MIA2: variants seen among roughly 807,000 people sequenced by gnomAD.
The protein encoded by MIA2 is MIA SH3 domain ER export factor 2.
A neutral mutation model predicts 167.8 loss-of-function variants in MIA2; 127 were observed. The ratio of observed to expected loss-of-function variants is 0.76; its 90% confidence interval spans 0.66 to 0.88. MIA2 has a LOEUF of 0.88. Among genes scored for constraint, MIA2 ranks in the 40% least tolerant of loss-of-function variants. The pLI, the probability that MIA2 is intolerant of heterozygous loss-of-function variation, is 0.00. For missense variants in MIA2, 1,690 were observed against 1,624.7 expected (o/e 1.04, Z -0.69); for synonymous variants, 552 against 541.9 (o/e 1.02, Z -0.26).
At chr14:39,375,862 A>G (rs780127183) in intron 23 of MIA2, among the ~76,000 whole-genome samples, 48 of 152,214 alleles carry the variant, frequency 3.2e-4, no homozygotes, top group Non-Finnish European at 5.7e-4. Context: ...GAGAAAAACT[A>G]TAGTTTCATG....
At chr14:39,253,314 T>A (rs1272901992) in intron 6 of MIA2, 143 bp downstream of exon 6, 4 of 1,080,576 alleles carry the variant, frequency 3.7e-6, no homozygotes, top group Non-Finnish European at 5.4e-6. Flanking sequence ...CCTGTAAGAT[T>A]TCTCTTTATA....
intron 6 of MIA2, 198 bp downstream of exon 6, chr14:39,253,369 T>C (rs2152638747): frequency 1.4e-6 from 1 of 734,586 alleles, no homozygotes; most frequent in East Asian, 2.9e-5. Flanking sequence ...AACATTTCCC[T>C]AAGTTTTGTT....
chr14:39,255,205 C>T (rs568451426), intron 6 of MIA2, among the ~76,000 whole-genome samples: 14 of 152,126 alleles, frequency 9.2e-5, no homozygotes, highest in South Asian at 4.1e-4. Context: ...GATTATAAAA[C>T]GTTCATTAGG....
chr14:39,295,107 G>T lies in MIA2; in HGVS notation c.2496+78G>T, dbSNP rs2061248388. On this transcript the variant is annotated intron_variant, in intron 13 of 28. Coordinates refer to ENST00000640607, the MANE Select transcript of MIA2 (RefSeq NM_001329214.4). ...CTTGTCATCCTCATGACTGACCCAT[G>T]CTAGGGACAAGTATAGGCTTTTCCT... 3 of 974,068 alleles carry T rather than the reference G, an allele frequency of 3.1e-6. No individual in the cohort carries two copies. In the African/African-American group the frequency reaches 4.8e-5, roughly 16 times the overall value. 60.3% of individuals were successfully genotyped at this position (974,068 alleles called of 1,614,324 possible).
At chr14:39,241,469 C>T (rs549493015) in intron 3 of MIA2, among the ~76,000 whole-genome samples, 7 of 152,188 alleles carry the variant, frequency 4.6e-5, no homozygotes, top group East Asian at 3.9e-4. Flanking sequence ...ATTCCATTTT[C>T]GCCCTAATTC....
At chr14:39,252,670 C>T (rs1594687165) in intron 4 of MIA2, 78 bp from the exon 5 acceptor site, 3 of 1,050,424 alleles carry the variant, frequency 2.9e-6, no homozygotes, top group East Asian at 2.4e-5. Flanking sequence ...AGAAAAATGA[C>T]CTGCCTAGAA....
intron 6 of MIA2, among the ~76,000 whole-genome samples, chr14:39,256,498 T>A (rs912662476): frequency 6.6e-6 from 1 of 152,182 alleles, no homozygotes; most frequent in African/African-American, 2.4e-5. Flanking sequence ...GGATCAACAC[T>A]ACATTTTTCT....
intron 21 of MIA2, among the ~76,000 whole-genome samples, chr14:39,317,695 A>G (rs1167320400): frequency 6.6e-6 from 1 of 152,226 alleles, no homozygotes; most frequent in East Asian, 1.9e-4. Flanking sequence ...TTGGTACTAT[A>G]ATCCCAGATT....
chr14:39,348,841 T>C lies in MIA2; in HGVS notation c.3936T>C (p.Phe1312=). Residue 1312 remains phenylalanine, a synonymous_variant, in exon 28 of 29, where the codon TTT becomes TTC. Coordinates refer to ENST00000640607, the MANE Select transcript of MIA2 (RefSeq NM_001329214.4). ...TTGCTCCAATCAGAGGTCCATTGTT[T>C]CCAGTGGATGCAAGAGGCCCATTCT... ...PPLAPIRGPL[F]PVDARGPFLR... 1.2e-6 allele frequency: 2 copies of C among 1,614,044 alleles called. No homozygotes were observed. Among genetic ancestry groups the C allele is most frequent in the East Asian group, 2.2e-5 (1 of 44,872 alleles).
chr14:39,385,122 T>TA (rs984956458), intron 23 of MIA2, among the ~76,000 whole-genome samples: 7 of 152,088 alleles, frequency 4.6e-5, no homozygotes, highest in African/African-American at 9.6e-5. Flanking sequence ...CCAAAACATC[T>TA]AAAAAAAGAA....
rs1566748565 is a variant in MIA2, at chr14:39,288,470, T to G, written c.2131-2549T>G. 2.9e-3 allele frequency among the ~76,000 whole-genome samples: 120 copies of G among 41,620 alleles called. 5 individuals carry two copies. Among genetic ancestry groups the G allele is most frequent in the African/African-American group, 8.5e-3 (57 of 6,736 alleles). The allele number at this position is 41,620 out of a possible 152,430, so 27.3% of individuals were successfully genotyped here. ...ATATATATATATATATATATATATA[T>G]ATATATTTTTTTTTTTTTTTTTGAG... On this transcript the variant is annotated intron_variant, in intron 9 of 28. Coordinates refer to ENST00000640607, the MANE Select transcript of MIA2 (RefSeq NM_001329214.4).
intron 13 of MIA2, among the ~76,000 whole-genome samples, chr14:39,298,447 A>G (rs1475338266): frequency 2.7e-5 from 1 of 37,530 alleles, no homozygotes; most frequent in Middle Eastern, 0.01. Flanking sequence ...ATATATAAAG[A>G]TTAGTTTTTC....
In MIA2 at chr14:39,280,504, G is replaced by A. The variant is rs2058750941; in HGVS notation, c.2130+967G>A. ...TCCCAGCACTTTGGGAGGCTGAGGC[G>A]GGCAAATCACGAGGTCAGGAGATCG... is the stretch of plus-strand genomic sequence containing the variant. On this transcript the variant is annotated intron_variant, in intron 9 of 28. Coordinates refer to ENST00000640607, the MANE Select transcript of MIA2 (RefSeq NM_001329214.4). Among the ~76,000 whole-genome samples, 3 of 152,116 alleles carry A rather than the reference G, an allele frequency of 2.0e-5. No homozygotes were observed. The East Asian group carries it at 5.8e-4, about 29-fold the overall frequency.
At chr14:39,285,254 T>A (rs1384509012) in intron 9 of MIA2, among the ~76,000 whole-genome samples, 1 of 152,088 alleles carries the variant, frequency 6.6e-6, no homozygotes, top group South Asian at 2.1e-4. Flanking sequence ...CCGTTCTCAA[T>A]GAGCTGTTGG....
chr14:39,349,974 A>G (rs1354872489), intron 28 of MIA2, 124 bp from the exon 29 acceptor site: 1 of 460,582 alleles, frequency 2.2e-6, no homozygotes, highest in Non-Finnish European at 4.0e-6. Context: ...TAGATCAAGT[A>G]ATTATCTAGT....
At chr14:39,374,692 A>G (rs1177385500) in intron 23 of MIA2, among the ~76,000 whole-genome samples, 1 of 152,198 alleles carries the variant, frequency 6.6e-6, no homozygotes, top group East Asian at 1.9e-4. Flanking sequence ...CTATCAAGGT[A>G]TGTGTTCACA....
chr14:39,361,143 T>G (rs1003023007), intron 23 of MIA2, among the ~76,000 whole-genome samples: 19 of 152,214 alleles, frequency 1.2e-4, no homozygotes, highest in African/African-American at 4.6e-4. Context: ...CTTCTTTGGT[T>G]TCATATGAAT....
chr14:39,298,381 A>G (rs1254170802), intron 13 of MIA2, among the ~76,000 whole-genome samples: 1 of 130,828 alleles, frequency 7.6e-6, no homozygotes, highest in Non-Finnish European at 1.6e-5. Flanking sequence ...TTGGATTCTC[A>G]TTTGTTTTTA....
chr14:39,270,063 A>G (rs1243335681), intron 6 of MIA2, among the ~76,000 whole-genome samples: 2 of 152,020 alleles, frequency 1.3e-5, no homozygotes, highest in East Asian at 1.9e-4. Flanking sequence ...AGGTCACACC[A>G]TTTTACATCC....
Sources: allele counts gnomAD v4.1 joint callset (sites outside exome capture counted in the v4.1 genomes callset), GRCh38; gene constraint gnomAD v4.1.1; transcripts MANE v1.5; gene names NCBI Gene and HGNC (gene_info 2026-07-23, HGNC 2026-07-21).